Variants in RABGAP1 observed in about 807,000 individuals in gnomAD.
RABGAP1 encodes the protein RAB GTPase activating protein 1, also known as rab GTPase-activating protein 1.
Under a neutral mutation model 137.6 loss-of-function variants are expected in RABGAP1, and 23 were observed. The observed-to-expected ratio is 0.17, with a 90% confidence interval of 0.12 to 0.24. The LOEUF is 0.24. RABGAP1 is among the 10% of genes least tolerant of loss of function. RABGAP1 has a pLI of 1.00. For synonymous variants in RABGAP1, 451 were observed against 450.7 expected, an observed-to-expected ratio of 1.00 and a Z score of -0.01; for missense variants, 906 against 1,275.8, an observed-to-expected ratio of 0.71 and a Z score of 4.42.
intron 13 of RABGAP1, among the ~76,000 whole-genome samples, chr9:123,051,238 T>G (rs1588337254): frequency 5.5e-5 from 4 of 73,226 alleles, no homozygotes; most frequent in East Asian, 4.4e-4. Context: ...TTTTTTTTTT[T>G]TTTTTTTTTT....
chr9:123,081,995 G>C (rs950827125), intron 19 of RABGAP1, among the ~76,000 whole-genome samples: 11 of 151,094 alleles, frequency 7.3e-5, no homozygotes, highest in Non-Finnish European at 1.5e-4. Flanking sequence ...TAAATTTGGT[G>C]TGGCAGTATC....
chr9:122,951,159 G>A (rs934407560), intron 1 of RABGAP1, among the ~76,000 whole-genome samples: 3 of 152,130 alleles, frequency 2.0e-5, no homozygotes, highest in Non-Finnish European at 2.9e-5. Context: ...CTTTCAAGAA[G>A]AAAATCTCAA....
intron 1 of RABGAP1, among the ~76,000 whole-genome samples, chr9:122,941,727 C>G (rs1477258906): frequency 2.6e-5 from 4 of 152,222 alleles, no homozygotes; most frequent in Non-Finnish European, 5.9e-5. Flanking sequence ...TTTGATTATC[C>G]GCACCCTTAG....
intron 6 of RABGAP1, among the ~76,000 whole-genome samples, chr9:122,994,731 A>G (rs1163471763): frequency 6.6e-6 from 1 of 152,222 alleles, no homozygotes; most frequent in Non-Finnish European, 1.5e-5. Flanking sequence ...GATTTTTTGC[A>G]TATTGGCTGA....
rs140401928 is a variant in RABGAP1 at position 122,953,097 on chromosome 9, C to T, written c.-49-3914C>T. The stretch of plus-strand genomic sequence containing the variant: ...ATTTTTTCCTCAGTAATGTGTTTCC[C>T]GACTAACAATCAAATTAACTCATAC... On this transcript the variant is annotated intron_variant, in intron 1 of 25. Transcript: ENST00000373647. 5.5e-4 allele frequency among the ~76,000 whole-genome samples: 83 copies of T among 152,104 alleles called. 2 individuals are homozygous for T. The East Asian group carries it at 0.014, about 25-fold the overall frequency.
chr9:122,938,466 GAAA>G (rs1833425768), upstream of RABGAP1: 1 of 152,040 alleles, frequency 6.6e-6, no homozygotes, highest in East Asian at 1.9e-4. Context: ...GTCACTTACT[GAAA>G]AAAAGTTGAG....
intron 13 of RABGAP1, among the ~76,000 whole-genome samples, chr9:123,037,650 G>A (rs1210961597): frequency 6.6e-6 from 1 of 152,108 alleles, no homozygotes; most frequent in Non-Finnish European, 1.5e-5. Context: ...TTTTAGTTTA[G>A]AAAATATGGC....
At chr9:122,963,893 T>C (rs1834985806) in intron 2 of RABGAP1, among the ~76,000 whole-genome samples, 1 of 152,182 alleles carries the variant, frequency 6.6e-6, no homozygotes, top group African/African-American at 2.4e-5. Context: ...GAAGACAATT[T>C]ACTGGAATCA....
At chr9:123,057,099 G>A (rs1374911703) in intron 13 of RABGAP1, among the ~76,000 whole-genome samples, 66 of 150,090 alleles carry the variant, frequency 4.4e-4, no homozygotes, top group African/African-American at 1.5e-3. Flanking sequence ...CTGGCCGGGC[G>A]GGGGGCTGAC....
chr9:122,994,737 G>A (rs924219184), intron 6 of RABGAP1, among the ~76,000 whole-genome samples: 2 of 152,144 alleles, frequency 1.3e-5, no homozygotes, highest in African/African-American at 4.8e-5. Context: ...TTGCATATTG[G>A]CTGATGGCCA....
intron 4 of RABGAP1, among the ~76,000 whole-genome samples, chr9:122,989,038 A>G (rs989437589): frequency 1.3e-5 from 2 of 149,126 alleles, no homozygotes; most frequent in Admixed American, 6.7e-5. Context: ...TGTATAAGAA[A>G]TGTGCTTATT....
At chr9:123,029,100 T>G (rs1291777773) in intron 13 of RABGAP1, among the ~76,000 whole-genome samples, 1 of 152,008 alleles carries the variant, frequency 6.6e-6, no homozygotes, top group African/African-American at 2.4e-5. Flanking sequence ...TGGGGTGTAG[T>G]GGCAAAGGGA....
chr9:123,082,354 G>A (rs542082328), intron 19 of RABGAP1, among the ~76,000 whole-genome samples: 1 of 152,190 alleles, frequency 6.6e-6, no homozygotes, highest in Non-Finnish European at 1.5e-5. Flanking sequence ...TTCTGATAGA[G>A]GATCTAAAAG....
At chr9:122,961,149 C>A (rs1305755211) in intron 2 of RABGAP1, among the ~76,000 whole-genome samples, 1 of 151,964 alleles carries the variant, frequency 6.6e-6, no homozygotes, top group Non-Finnish European at 1.5e-5. Flanking sequence ...TATTTAAAAA[C>A]AATAATTTAT....
chr9:122,945,147 C>CTTTTTTTTTGTTTTTTTTTTTTTTTTTTT (rs1833875004), intron 1 of RABGAP1, among the ~76,000 whole-genome samples: 1 of 75,768 alleles, frequency 1.3e-5, no homozygotes, highest in Non-Finnish European at 2.9e-5. Context: ...ATAGCTGTTG[C>CTTTTTTTTTGTTTTTTTTTTTTTTTTTTT]TTTTTTTTTT....
At chr9:123,034,271 T>C (rs559983208) in intron 13 of RABGAP1, 2 of 424,948 alleles carry the variant, frequency 4.7e-6, no homozygotes, top group Admixed American at 8.0e-5. Context: ...GAAGACGTTC[T>C]CCCCAGAGTT....
intron 1 of RABGAP1, among the ~76,000 whole-genome samples, chr9:122,949,858 A>C (rs1834139274): frequency 6.6e-6 from 1 of 152,212 alleles, no homozygotes; most frequent in Admixed American, 6.5e-5. Context: ...GATTGTATCC[A>C]CTAGGTTGCT....
intron 19 of RABGAP1, 185 bp downstream of exon 19, chr9:123,076,947 CT>C (rs986115438): frequency 7.6e-5 from 23 of 303,342 alleles, no homozygotes; most frequent in East Asian, 1.1e-4. Flanking sequence ...AACTCTTAAC[CT>C]TTTTTTCCCC....
At chr9:123,035,493 T>C (rs1277700685) in intron 13 of RABGAP1, 3 of 1,613,968 alleles carry the variant, frequency 1.9e-6, no homozygotes, top group Admixed American at 1.7e-5. Flanking sequence ...TCTCCAACAG[T>C]GTATTCCAAA....
Sources: gnomAD v4.1 joint callset for allele counts (sites outside exome capture counted in the v4.1 genomes callset) on GRCh38, gnomAD v4.1.1 for gene constraint, MANE v1.5 for transcripts, NCBI Gene and HGNC (gene_info 2026-07-23, HGNC 2026-07-21) for gene names.